HERC1: variants seen among roughly 807,000 people sequenced by gnomAD.
HERC1 encodes the protein probable E3 ubiquitin-protein ligase HERC1.
In HERC1, 160 loss-of-function variants were observed where a neutral mutation model predicts 554.3. The observed-to-expected ratio is 0.29, with a 90% CI of 0.25 to 0.33. The LOEUF is 0.33. HERC1 is among the 10% of genes least tolerant of loss of function. HERC1 has a pLI of 1.00. For synonymous variants in HERC1, 2,175 were observed against 2,131.7 expected (o/e 1.02, Z -0.56); for missense variants, 4,919 against 5,918.5 (o/e 0.83, Z 5.54).
In HERC1 at chr15:63,803,504, C is replaced by T. The variant is rs538325863; in HGVS notation, c.-26-27855G>A. ...GCGACACAATCATAATTCACTGAAGCCTTGAACTGCTGGGCTCAAGCTATC... is the reference window on the plus strand; with the variant it reads ...GCGACACAATCATAATTCACTGAAGTCTTGAACTGCTGGGCTCAAGCTATC... On this transcript the variant is annotated intron_variant, in intron 1 of 77. Transcript: ENST00000443617. Among the ~76,000 whole-genome samples, 3 of 152,228 alleles carry T rather than the reference C, an allele frequency of 2.0e-5. No individual in the cohort carries two copies. The East Asian group carries it at 5.8e-4, about 29-fold the overall frequency.
chr15:63,732,013 T>G (rs570349393), intron 14 of HERC1, among the ~76,000 whole-genome samples: 9 of 152,156 alleles, frequency 5.9e-5, no homozygotes, highest in Admixed American at 2.0e-4. Flanking sequence ...GGTGGTGGTG[T>G]TGTTTTGAGA....
chr15:63,625,309 C>T (rs1406024151), intron 71 of HERC1, among the ~76,000 whole-genome samples: 2 of 152,110 alleles, frequency 1.3e-5, no homozygotes, highest in African/African-American at 4.8e-5. Context: ...ATGTAACAAC[C>T]CTGACTGTGG....
At chr15:63,759,561 A>G (rs2075540623) in intron 3 of HERC1, among the ~76,000 whole-genome samples, 1 of 152,252 alleles carries the variant, frequency 6.6e-6, no homozygotes, top group Admixed American at 6.5e-5. Context: ...CTTTATTGTT[A>G]GCAAAACTAA....
chr15:63,658,207 C>T (rs1222087750), intron 48 of HERC1, among the ~76,000 whole-genome samples: 2 of 152,172 alleles, frequency 1.3e-5, no homozygotes, highest in African/African-American at 4.8e-5. Flanking sequence ...CATCTGCAGG[C>T]TGACTTAGCT....
chr15:63,726,769 G>A lies in HERC1; in HGVS notation c.3346+878C>T, dbSNP rs567129452. Reference sequence around the variant, plus strand: ...CTAAAACCTCAGGAAGAGATAACTCGTATCTTACACAAATTATTTCAGTGA... The same window carrying A: ...CTAAAACCTCAGGAAGAGATAACTCATATCTTACACAAATTATTTCAGTGA... On this transcript the variant is annotated intron_variant, in intron 17 of 77. Coordinates refer to ENST00000443617, the MANE Select transcript of HERC1 (RefSeq NM_003922.4). 2.5e-4 allele frequency among the ~76,000 whole-genome samples: 38 copies of A among 152,184 alleles called. 1 individual carries two copies. In the South Asian group the frequency reaches 4.8e-3, roughly 19 times the overall value.
At position 63,833,905 on chromosome 15, in the gene HERC1, C is replaced by CT. The variant is rs1395856392; in HGVS notation, c.-106dup. The stretch of plus-strand genomic sequence containing the variant: ...CCGCAGAGGCTGCGGCGGTCGCGTC[C>CT]TTTATTTTTGCTGCAGCAGCAGCGA... On this transcript the variant is annotated 5_prime_UTR_variant, in exon 1 of 78. Transcript: ENST00000443617. The CT allele has an allele frequency of 6.5e-6, 1 of 152,690 alleles. No homozygotes were observed. Among genetic ancestry groups the CT allele is most frequent in the Non-Finnish European group, 1.5e-5 (1 of 68,206 alleles). The allele number at this position is 152,690 out of a possible 1,614,324, so 9.5% of individuals were successfully genotyped here. A position where few individuals can be genotyped will look rare whatever the true frequency, so the allele number is the denominator to read the frequency against.
intron 1 of HERC1, among the ~76,000 whole-genome samples, chr15:63,777,868 G>A (rs1173099908): frequency 6.6e-6 from 1 of 151,882 alleles, no homozygotes; most frequent in Non-Finnish European, 1.5e-5. Context: ...TAGTCCATCT[G>A]GAATTAAAAT....
chr15:63,727,511 G>T lies in HERC1; in HGVS notation c.3346+136C>A. ...AAGAGGACTTACTTAAATTTGAAAA[G>T]CTTTTAAGATTTCAGTGATGAAATT... is the stretch of plus-strand genomic sequence containing the variant. On this transcript the variant is annotated intron_variant, in intron 17 of 77. Coordinates refer to ENST00000443617, the MANE Select transcript of HERC1 (RefSeq NM_003922.4). The surrounding 1 kb of genome is among the most constrained non-coding windows in gnomAD (Gnocchi z 4.3). 3 of 602,748 alleles carry T rather than the reference G, an allele frequency of 5.0e-6. No individual in the cohort carries two copies. The highest frequency in any genetic ancestry group is 8.6e-6 in the Non-Finnish European group (3 of 350,206). The allele number at this position is 602,748 out of a possible 1,614,324, so 37.3% of individuals were successfully genotyped here. A position where few individuals can be genotyped will look rare whatever the true frequency, so the allele number is the denominator to read the frequency against.
At chr15:63,698,061 T>C (rs8035561) in intron 26 of HERC1, among the ~76,000 whole-genome samples, 68,109 of 151,910 alleles carry the variant, frequency 0.45, 16,336 homozygotes, top group Non-Finnish European at 0.54. Flanking sequence ...GCAGCAATTA[T>C]TTCTGTGAGG....
intron 22 of HERC1, among the ~76,000 whole-genome samples, 156 bp downstream of exon 22, chr15:63,716,146 G>A (rs1322280835): frequency 1.3e-5 from 2 of 152,098 alleles, no homozygotes; most frequent in Admixed American, 6.5e-5. Context: ...ACAGTTGTAG[G>A]AGCCCCTGTC....
At chr15:63,632,517 G>C (rs1466828241) in intron 68 of HERC1, 192 bp downstream of exon 68, 1 of 666,766 alleles carries the variant, frequency 1.5e-6, no homozygotes, top group East Asian at 2.8e-5. Flanking sequence ...GTCTTAATGG[G>C]GAGGGGAGTT....
rs1211511169 is a variant in HERC1 at position 63,694,195 on chromosome 15, A to G, written c.5481-38T>C. ...AAAGAAAAAAATAAGTGGCAAACAC[A>G]CAGAAGGGCAAGCATAGTGCTTAAA... On this transcript the variant is annotated intron_variant, in intron 29 of 77. Transcript: ENST00000443617. The surrounding 1 kb of genome is among the most constrained non-coding windows in gnomAD (Gnocchi z 4.3). 6.4e-7 allele frequency: 1 copy of G among 1,566,582 alleles called. No individual in the cohort carries two copies. The highest frequency in any genetic ancestry group is 1.7e-4 in the Middle Eastern group (1 of 5,948).
rs1410053799 is a variant in HERC1, at chr15:63,725,300, G to C, written c.3560C>G (p.Pro1187Arg). The C allele has an allele frequency of 1.9e-6, 3 of 1,613,098 alleles. No homozygotes were observed. In the Admixed American group the frequency reaches 5.0e-5, roughly 27 times the overall value. The change falls in exon 18 of 78, where the codon CCT becomes CGT. Residue 1187 changes from proline to arginine, a missense_variant. Physicochemically the swap from Pro to Arg is moderately radical, Grantham distance 103. Coordinates refer to ENST00000443617, the MANE Select transcript of HERC1 (RefSeq NM_003922.4). ...LFSDGVEMDTPQLDKCMSCLL... is the reference protein window; with the variant it reads ...LFSDGVEMDTRQLDKCMSCLL... ...GCAGAGAAGCACATTACCCAATTGA[G>C]GAGTGTCCATTTCTACACCGTCACT...
chr15:63,620,714 C>G (rs942378556), intron 74 of HERC1, among the ~76,000 whole-genome samples: 3 of 152,088 alleles, frequency 2.0e-5, no homozygotes, highest in Non-Finnish European at 4.4e-5. Context: ...ATAGTTAGTT[C>G]TTCTTGTTGA....
chr15:63,721,288 C>T (rs1302992962), intron 19 of HERC1, among the ~76,000 whole-genome samples: 1 of 152,164 alleles, frequency 6.6e-6, no homozygotes, highest in Non-Finnish European at 1.5e-5. Context: ...CTTTGGGAAG[C>T]CGAGGCGGAT....
In HERC1 at chr15:63,694,490, C is replaced by T. The variant is rs761810927; in HGVS notation, c.5302G>A (p.Val1768Ile). ...VFALSVHYQP[V>I]DVSLAISTGL... is the part of the protein sequence containing the mutation. ...GTGGAAATTGCCAAAGAAACATCTA[C>T]TGGTTGATAATGAACACTTAGGGCA... is the stretch of plus-strand genomic sequence containing the variant. Residue 1768 changes from valine (V) to isoleucine (I), a missense_variant, in exon 29 of 78, where the codon GTA becomes ATA. Val to Ile is a conservative substitution (Grantham distance 29, BLOSUM62 3). Transcript: ENST00000443617. The surrounding 1 kb of genome is among the most constrained non-coding windows in gnomAD (Gnocchi z 4.3). 17 of 1,613,996 alleles carry T rather than the reference C, an allele frequency of 1.1e-5. No homozygotes were observed. The highest frequency in any genetic ancestry group is 3.3e-4 in the Middle Eastern group (2 of 6,062).
chr15:63,723,996 T>A (rs1057369793), intron 18 of HERC1, among the ~76,000 whole-genome samples: 1 of 152,210 alleles, frequency 6.6e-6, no homozygotes, highest in Admixed American at 6.5e-5. Context: ...ATTCAACCCA[T>A]AGTATAACTG....
At chr15:63,647,270 C>T (rs995145941) in intron 55 of HERC1, among the ~76,000 whole-genome samples, 2 of 142,868 alleles carry the variant, frequency 1.4e-5, no homozygotes, top group African/African-American at 5.0e-5. Context: ...TAAAAATTTA[C>T]ATTAAAAGAA....
intron 13 of HERC1, among the ~76,000 whole-genome samples, chr15:63,733,828 G>C (rs2074392937): frequency 6.6e-6 from 1 of 151,762 alleles, no homozygotes; most frequent in Non-Finnish European, 1.5e-5. Context: ...CTCCAGCCTG[G>C]ATGACAGAGC....
Sources: gnomAD v4.1 joint callset for allele counts (sites outside exome capture counted in the v4.1 genomes callset) on GRCh38, gnomAD v4.1.1 for gene constraint, Gnocchi (gnomAD v3.1) non-coding constraint, MANE v1.5 for transcripts, NCBI Gene and HGNC (gene_info 2026-07-23, HGNC 2026-07-21) for gene names.